The following PLEKHS1 variants were observed in gnomAD, a reference collection of about 807,000 sequenced individuals.
The protein encoded by PLEKHS1 is pleckstrin homology domain containing S1.
In PLEKHS1, 55 loss-of-function variants were observed where a neutral mutation model predicts 51.0. That is an observed-to-expected ratio of 1.08 (90% CI 0.87 to 1.35). The LOEUF is 1.35. PLEKHS1 is among the 40% of genes most tolerant of loss of function. The pLI, the probability that PLEKHS1 is intolerant of heterozygous loss-of-function variation, is 0.00. For missense variants in PLEKHS1, 398 were observed against 423.0 expected, an observed-to-expected ratio of 0.94 and a Z score of 0.52; for synonymous variants, 153 against 144.8, an observed-to-expected ratio of 1.06 and a Z score of -0.41.
At position 113,777,456 on chromosome 10, in the gene PLEKHS1, C is replaced by G. The variant is rs143839375; in HGVS notation, c.1091+1590C>G. On this transcript the variant is annotated intron_variant, in intron 11 of 11. Transcript: ENST00000361048. ...TATCAAGTAGCATTTGGAGAAGGCA[C>G]TGAGCTAAGAGACAGAGCACCTGGG... 1.6e-4 allele frequency: 262 copies of G among 1,601,248 alleles called. No homozygotes were observed. In the African/African-American group the frequency reaches 3.1e-3, roughly 19 times the overall value.
intron 2 of PLEKHS1, among the ~76,000 whole-genome samples, chr10:113,761,340 G>A (rs1013000219): frequency 1.3e-5 from 2 of 152,120 alleles, no homozygotes; most frequent in East Asian, 3.9e-4. Context: ...GATTTTAATA[G>A]AGATTGCATT....
At chr10:113,765,503 C>A in intron 2 of PLEKHS1, 1 of 721,334 alleles carries the variant, frequency 1.4e-6, no homozygotes. Flanking sequence ...TTGAGGGAGA[C>A]AGTATATATT....
chr10:113,767,620 T>C, intron 5 of PLEKHS1, 141 bp downstream of exon 5: 1 of 906,900 alleles, frequency 1.1e-6, no homozygotes, highest in Non-Finnish European at 1.5e-6. Flanking sequence ...TTAGTTATTT[T>C]TAAAAATATC....
At chr10:113,762,818 C>T (rs1198972208) in intron 2 of PLEKHS1, among the ~76,000 whole-genome samples, 3 of 151,900 alleles carry the variant, frequency 2.0e-5, no homozygotes, top group Non-Finnish European at 2.9e-5. Flanking sequence ...AAATATCAAT[C>T]AGTTAAAGTT....
chr10:113,760,541 T>C (rs760393744), intron 2 of PLEKHS1, among the ~76,000 whole-genome samples: 20 of 152,228 alleles, frequency 1.3e-4, no homozygotes, highest in Non-Finnish European at 2.2e-4. Flanking sequence ...TTAATTTTGA[T>C]CTACATTTCC....
chr10:113,757,684 G>A (rs998531500), intron 2 of PLEKHS1, among the ~76,000 whole-genome samples: 4 of 152,174 alleles, frequency 2.6e-5, no homozygotes, highest in East Asian at 3.8e-4. Flanking sequence ...TGACCACATC[G>A]ATTGATTGTA....
Position 113,775,872 on chromosome 10 carries a change from T to A in PLEKHS1, c.1091+6T>A. The A allele has an allele frequency of 6.3e-7, 1 of 1,587,888 alleles. No individual in the cohort carries two copies. Among genetic ancestry groups the A allele is most frequent in the Non-Finnish European group, 8.6e-7 (1 of 1,161,002 alleles). ...GAAGCCACAGGACGGATATGGTAGG[T>A]TGGAGATTTGACTGTTGTGGATTAT... On this transcript the variant is annotated splice_donor_region_variant and intron_variant, in intron 11 of 11. Coordinates refer to ENST00000361048, the Ensembl canonical transcript of PLEKHS1.
chr10:113,771,678 A>C (rs1365535330), intron 7 of PLEKHS1, among the ~76,000 whole-genome samples: 1 of 150,506 alleles, frequency 6.6e-6, no homozygotes, highest in Non-Finnish European at 1.5e-5. Flanking sequence ...CTGTCTCAAA[A>C]AAAAAAAAAA....
rs77905700 is a variant in PLEKHS1, at chr10:113,777,415, T to C, written c.1091+1549T>C. The stretch of plus-strand genomic sequence containing the variant: ...ATAACAGAATGTGCTTTCAGGACTC[T>C]TTCAGGATTCTTTCATATCAAGTAG... On this transcript the variant is annotated intron_variant, in intron 11 of 11. Transcript: ENST00000361048. 1.8e-3 allele frequency: 2,972 copies of C among 1,609,778 alleles called. 39 individuals are homozygous for C. The African/African-American group carries it at 0.025, about 13-fold the overall frequency.
At chr10:113,767,576 C>A in intron 5 of PLEKHS1, 97 bp downstream of exon 5, 1 of 1,199,756 alleles carries the variant, frequency 8.3e-7, no homozygotes, top group South Asian at 2.3e-5. Flanking sequence ...GTTCTGAACC[C>A]ACGCTACAAA....
At chr10:113,768,543 A>G (rs1844260764) in intron 5 of PLEKHS1, among the ~76,000 whole-genome samples, 1 of 152,210 alleles carries the variant, frequency 6.6e-6, no homozygotes. Context: ...AAGGAAATCA[A>G]TGTCAAAGCC....
chr10:113,756,409 C>T (rs1046292205), intron 2 of PLEKHS1, among the ~76,000 whole-genome samples: 17 of 152,000 alleles, frequency 1.1e-4, no homozygotes, highest in Admixed American at 9.2e-4. Flanking sequence ...TGCAGAGAGC[C>T]AAGATCGCAC....
At chr10:113,772,745 C>T (rs1844468816) in intron 8 of PLEKHS1, among the ~76,000 whole-genome samples, 1 of 152,144 alleles carries the variant, frequency 6.6e-6, no homozygotes, top group South Asian at 2.1e-4. Flanking sequence ...GGATGAAGTG[C>T]CATTTGATAC....
At chr10:113,775,889 G>A (rs746490073) in intron 11 of PLEKHS1, 23 bp downstream of exon 11, 5 of 1,539,376 alleles carry the variant, frequency 3.2e-6, no homozygotes, top group South Asian at 2.3e-5. Context: ...TTTGACTGTT[G>A]TGGATTATAA....
Position 113,777,570 on chromosome 10 carries a change from A to G in PLEKHS1, c.1091+1704A>G, listed in dbSNP as rs1218227495. 3.2e-6 allele frequency: 5 copies of G among 1,550,748 alleles called. No homozygotes were observed. The South Asian group carries it at 5.9e-5, about 18-fold the overall frequency. On this transcript the variant is annotated intron_variant, in intron 11 of 11. Transcript: ENST00000361048. ...GATTCCAAAACAGCTCCTTCAACCAATTTGTGCCTCAGTTTTCTTTTCTGT... is the reference window on the plus strand; with the variant it reads ...GATTCCAAAACAGCTCCTTCAACCAGTTTGTGCCTCAGTTTTCTTTTCTGT...
At chr10:113,754,731 G>T (rs937530859) in intron 1 of PLEKHS1, among the ~76,000 whole-genome samples, 1 of 152,000 alleles carries the variant, frequency 6.6e-6, no homozygotes, top group African/African-American at 2.4e-5. Context: ...TGATCTACCC[G>T]CCTCAGCCTC....
chr10:113,777,645 A>G, intron 11 of PLEKHS1: 1 of 1,533,138 alleles, frequency 6.5e-7, no homozygotes, highest in Non-Finnish European at 8.8e-7. Context: ...AAATGAGGTA[A>G]TATGTGTAAC....
chr10:113,765,154 T>G (rs4528272), intron 2 of PLEKHS1: 89,615 of 421,546 alleles, frequency 0.21, 11,066 homozygotes, highest in African/African-American at 0.39. Context: ...TACCTTGTTG[T>G]TTCCTGAATA....
At chr10:113,761,553 G>C (rs1184023050) in intron 2 of PLEKHS1, among the ~76,000 whole-genome samples, 1 of 151,912 alleles carries the variant, frequency 6.6e-6, no homozygotes, top group Non-Finnish European at 1.5e-5. Context: ...AAATGGAACT[G>C]TTTTCATAAT....
Sources: gnomAD v4.1 joint callset for allele counts (sites outside exome capture counted in the v4.1 genomes callset) on GRCh38, gnomAD v4.1.1 for gene constraint, MANE v1.5 for transcripts, NCBI Gene and HGNC (gene_info 2026-07-23, HGNC 2026-07-21) for gene names.